RSU1: variants seen among roughly 807,000 people sequenced by gnomAD.
RSU1 encodes the protein rsu-1.
Under a neutral mutation model 31.1 loss-of-function variants are expected in RSU1, and 26 were observed. That is an observed-to-expected ratio of 0.84 (90% confidence interval 0.61 to 1.16). The LOEUF (loss-of-function observed/expected upper bound fraction) is 1.16. Among genes scored for constraint, RSU1 ranks in the 50% most tolerant of loss-of-function variants. The pLI, the probability that RSU1 is intolerant of heterozygous loss-of-function variation, is 0.00. For missense variants in RSU1, 320 were observed against 339.1 expected (o/e 0.94, Z 0.44); for synonymous variants, 164 against 136.3 (o/e 1.20, Z -1.41).
At chr10:16,749,125 G>A (rs146971113) in intron 7 of RSU1, among the ~76,000 whole-genome samples, 3 of 152,248 alleles carry the variant, frequency 2.0e-5, no homozygotes, top group East Asian at 1.9e-4. Flanking sequence ...ATGGGTACAC[G>A]AGACTCAACT....
chr10:16,653,922 G>T (rs1365116150), intron 8 of RSU1, among the ~76,000 whole-genome samples: 1 of 152,054 alleles, frequency 6.6e-6, no homozygotes, highest in Non-Finnish European at 1.5e-5. Context: ...CACAAGTAAA[G>T]GCTCTACATT....
At chr10:16,597,470 G>A (rs1833635958) in intron 8 of RSU1, among the ~76,000 whole-genome samples, 1 of 152,142 alleles carries the variant, frequency 6.6e-6, no homozygotes. Context: ...TTTATTAGCT[G>A]ATGACTCTGG....
At chr10:16,609,872 C>T (rs912919088) in intron 8 of RSU1, among the ~76,000 whole-genome samples, 3 of 152,178 alleles carry the variant, frequency 2.0e-5, no homozygotes, top group Middle Eastern at 3.2e-3. Context: ...CACATTAGTA[C>T]GTCCAATTTG....
intron 8 of RSU1, among the ~76,000 whole-genome samples, chr10:16,677,089 A>G (rs12572686): frequency 0.54 from 82,734 of 152,052 alleles, 22,810 homozygotes; most frequent in Middle Eastern, 0.63. Context: ...ACATTCCCCT[A>G]AACTTCATAC....
chr10:16,815,308 C>T (rs567800848), intron 2 of RSU1, among the ~76,000 whole-genome samples: 22 of 152,312 alleles, frequency 1.4e-4, no homozygotes, highest in South Asian at 1.0e-3. Flanking sequence ...CGCAAATCTA[C>T]GTTTCCTCCC....
chr10:16,692,613 C>T lies in RSU1; in HGVS notation c.731+2410G>A, dbSNP rs143081554. The stretch of plus-strand genomic sequence containing the variant: ...AAATTAGAGCCCCATCTAAAACTCA[C>T]GATAGCAATGATTAACAATTTACAA... On this transcript the variant is annotated intron_variant, in intron 8 of 8. Transcript: ENST00000345264. Among the ~76,000 whole-genome samples the T allele has an allele frequency of 3.2e-3, 481 of 152,142 alleles. 1 individual carries two copies. Among genetic ancestry groups the T allele is most frequent in the Non-Finnish European group, 5.2e-3 (352 of 67,998 alleles).
At chr10:16,787,573 G>A (rs201996637) in intron 2 of RSU1, among the ~76,000 whole-genome samples, 5 of 152,200 alleles carry the variant, frequency 3.3e-5, no homozygotes, top group African/African-American at 4.8e-5. Flanking sequence ...TGTCAAGGGC[G>A]GGGCCAGATG....
chr10:16,810,507 G>A (rs890055425), intron 2 of RSU1, among the ~76,000 whole-genome samples: 13 of 152,218 alleles, frequency 8.5e-5, no homozygotes, highest in Admixed American at 7.8e-4. Flanking sequence ...ACTCGCCAGT[G>A]TGTGGCAACG....
chr10:16,794,783 C>G (rs1403443302), intron 2 of RSU1, among the ~76,000 whole-genome samples: 1 of 152,108 alleles, frequency 6.6e-6, no homozygotes, highest in African/African-American at 2.4e-5. Context: ...GCAATTCCAA[C>G]CATAATAAAA....
intron 8 of RSU1, among the ~76,000 whole-genome samples, chr10:16,639,650 C>T (rs1166598066): frequency 3.3e-5 from 5 of 152,178 alleles, no homozygotes; most frequent in Admixed American, 6.5e-5. Context: ...AGCTGAGACT[C>T]GGGCATGAAA....
At position 16,688,524 on chromosome 10, in the gene RSU1, G is replaced by C. The variant is rs374508174; in HGVS notation, c.731+6499C>G. Among the ~76,000 whole-genome samples, 78 of 152,226 alleles carry C rather than the reference G, an allele frequency of 5.1e-4. 1 individual carries two copies. Among genetic ancestry groups the C allele is most frequent in the African/African-American group, 1.7e-3 (72 of 41,546 alleles). On this transcript the variant is annotated intron_variant, in intron 8 of 8. Coordinates refer to ENST00000345264, the MANE Select transcript of RSU1 (RefSeq NM_012425.4). ...CTCGGGAGGCTGAGGCAGGAGAATGGCGTGAACCCGGAAGGCGGAGCTTGC... is the reference window on the plus strand; with the variant it reads ...CTCGGGAGGCTGAGGCAGGAGAATGCCGTGAACCCGGAAGGCGGAGCTTGC...
chr10:16,594,657 CAT>C lies in RSU1; in HGVS notation c.732-1163_732-1162del, dbSNP rs530014404. 6.0e-3 allele frequency among the ~76,000 whole-genome samples: 855 copies of C among 141,480 alleles called. 7 individuals are homozygous for C. The highest frequency in any genetic ancestry group is 0.021 in the African/African-American group (753 of 36,320). The allele number at this position is 141,480 out of a possible 152,430, so 92.8% of individuals were successfully genotyped here. A position where few individuals can be genotyped will look rare whatever the true frequency, so the allele number is the denominator to read the frequency against. On this transcript the variant is annotated intron_variant, in intron 8 of 8. Coordinates refer to ENST00000345264, the MANE Select transcript of RSU1 (RefSeq NM_012425.4). ...ATAATATGATATATATGATATATAT[CAT>C]ATATTATCTATATCATATATTATCT...
chr10:16,709,016 T>C (rs111736477), intron 7 of RSU1, among the ~76,000 whole-genome samples: 1,820 of 152,010 alleles, frequency 0.012, 35 homozygotes, highest in African/African-American at 0.042. Flanking sequence ...TTTTTAATTA[T>C]ACTTTAAGTT....
rs527487369 is a variant in RSU1, at chr10:16,728,880, C to A, written c.598+23659G>T. Among the ~76,000 whole-genome samples the A allele has an allele frequency of 7.2e-5, 11 of 152,264 alleles. 1 individual carries two copies. In the South Asian group the frequency reaches 2.1e-3, roughly 29 times the overall value. On this transcript the variant is annotated intron_variant, in intron 7 of 8. Transcript: ENST00000345264. The stretch of plus-strand genomic sequence containing the variant: ...ACTAGAAGCTGAGAAAGGCAAGGAG[C>A]CATTCTCCTCTAGAGCCTCCTGAAG...
At chr10:16,801,281 T>A (rs1838150961) in intron 2 of RSU1, among the ~76,000 whole-genome samples, 1 of 152,080 alleles carries the variant, frequency 6.6e-6, no homozygotes, top group African/African-American at 2.4e-5. Flanking sequence ...CAAGGAAGAT[T>A]ATCAGAAATA....
intron 8 of RSU1, among the ~76,000 whole-genome samples, chr10:16,596,493 G>A (rs1833615806): frequency 6.6e-6 from 1 of 152,150 alleles, no homozygotes; most frequent in Non-Finnish European, 1.5e-5. Flanking sequence ...GCACTGCAGA[G>A]TAATAAACCC....
Position 16,728,908 on chromosome 10 carries a change from A to G in RSU1, c.598+23631T>C, listed in dbSNP as rs570753073. Among the ~76,000 whole-genome samples, 4 of 152,318 alleles carry G rather than the reference A, an allele frequency of 2.6e-5. No individual in the cohort carries two copies. In the East Asian group the frequency reaches 7.7e-4, roughly 29 times the overall value. ...TTCTCCTCTAGAGCCTCCTGAAGGAAGTGACTTGGGTGACATGTGGAGTCT... is the reference window on the plus strand; with the variant it reads ...TTCTCCTCTAGAGCCTCCTGAAGGAGGTGACTTGGGTGACATGTGGAGTCT... On this transcript the variant is annotated intron_variant, in intron 7 of 8. Transcript: ENST00000345264.
chr10:16,618,040 A>G (rs1312098881), intron 8 of RSU1, among the ~76,000 whole-genome samples: 1 of 152,254 alleles, frequency 6.6e-6, no homozygotes, highest in Non-Finnish European at 1.5e-5. Flanking sequence ...ATCAGAATGA[A>G]CAGGCAACCT....
At chr10:16,620,534 TA>T (rs1391725025) in intron 8 of RSU1, among the ~76,000 whole-genome samples, 1 of 148,932 alleles carries the variant, frequency 6.7e-6, no homozygotes, top group Non-Finnish European at 1.5e-5. Context: ...GGAGGGGAGT[TA>T]CTGGCATATG....
Sources: gnomAD v4.1 joint callset for allele counts (sites outside exome capture counted in the v4.1 genomes callset) on GRCh38, gnomAD v4.1.1 for gene constraint, MANE v1.5 for transcripts, NCBI Gene and HGNC (gene_info 2026-07-23, HGNC 2026-07-21) for gene names.